CNTNAP2: variants seen among roughly 807,000 people sequenced by gnomAD.
CNTNAP2 encodes the protein contactin-associated protein-like 2.
A neutral mutation model predicts 155.2 loss-of-function variants in CNTNAP2; 98 were observed. The ratio of observed to expected loss-of-function variants is 0.63; its 90% CI spans 0.54 to 0.75. The LOEUF (loss-of-function observed/expected upper bound fraction) is 0.75, where lower values mean the gene tolerates loss of function less well. CNTNAP2 is among the 30% of genes least tolerant of loss of function. CNTNAP2 has a pLI of 0.00. For synonymous variants in CNTNAP2, 651 were observed against 631.2 expected, an observed-to-expected ratio of 1.03 and a Z score of -0.47; for missense variants, 1,727 against 1,688.1, an observed-to-expected ratio of 1.02 and a Z score of -0.40.
chr7:146,680,287 A>C (rs1800479418), intron 1 of CNTNAP2, among the ~76,000 whole-genome samples: 1 of 152,178 alleles, frequency 6.6e-6, no homozygotes, highest in Non-Finnish European at 1.5e-5. Flanking sequence ...AAATTTAAAA[A>C]ACAAAACAAA....
chr7:147,946,597 G>T (rs1037312383), intron 14 of CNTNAP2, among the ~76,000 whole-genome samples: 1 of 152,090 alleles, frequency 6.6e-6, no homozygotes, highest in Admixed American at 6.6e-5. Flanking sequence ...GTGGAATTGT[G>T]CTGTTGATCA....
intron 18 of CNTNAP2, among the ~76,000 whole-genome samples, chr7:148,184,260 A>C (rs944710891): frequency 2.6e-5 from 4 of 152,142 alleles, no homozygotes; most frequent in Non-Finnish European, 2.9e-5. Flanking sequence ...GTGAGACCCC[A>C]TCTCTATAAA....
intron 3 of CNTNAP2, among the ~76,000 whole-genome samples, chr7:146,892,327 A>G (rs1317660287): frequency 2.0e-5 from 3 of 152,094 alleles, no homozygotes; most frequent in East Asian, 1.9e-4. Flanking sequence ...AATGCAGCCA[A>G]TCTTTTAGGT....
At chr7:147,700,066 A>G (rs949011153) in intron 13 of CNTNAP2, among the ~76,000 whole-genome samples, 7 of 152,178 alleles carry the variant, frequency 4.6e-5, no homozygotes, top group African/African-American at 1.7e-4. Flanking sequence ...TGCTTTATTC[A>G]TAGCCTTTCT....
intron 3 of CNTNAP2, among the ~76,000 whole-genome samples, chr7:147,018,027 C>T (rs775331246): frequency 5.9e-5 from 9 of 152,078 alleles, no homozygotes; most frequent in Admixed American, 2.6e-4. Context: ...CATTTATCTG[C>T]GGAGAACCTC....
At chr7:146,836,435 A>G (rs1177351412) in intron 2 of CNTNAP2, among the ~76,000 whole-genome samples, 1 of 152,194 alleles carries the variant, frequency 6.6e-6, no homozygotes, top group Non-Finnish European at 1.5e-5. Context: ...CCAAAAATAC[A>G]TAGTATTTAA....
chr7:146,349,675 ATCTC>A (rs1242518279), intron 1 of CNTNAP2, among the ~76,000 whole-genome samples: 3 of 151,732 alleles, frequency 2.0e-5, no homozygotes, highest in African/African-American at 7.3e-5. Context: ...TGGTGACAAA[ATCTC>A]TCAGCATTTG....
intron 10 of CNTNAP2, among the ~76,000 whole-genome samples, chr7:147,414,667 T>C (rs1046068521): frequency 2.0e-5 from 3 of 150,874 alleles, no homozygotes; most frequent in Non-Finnish European, 4.4e-5. Flanking sequence ...TTCTCCCAGG[T>C]GCGGTGGCTC....
At chr7:146,653,032 T>C (rs1186799065) in intron 1 of CNTNAP2, among the ~76,000 whole-genome samples, 1 of 152,142 alleles carries the variant, frequency 6.6e-6, no homozygotes, top group African/African-American at 2.4e-5. Context: ...ACTTGCTTTA[T>C]TACAAGGCAT....
chr7:146,575,934 G>A (rs1798517626), intron 1 of CNTNAP2, among the ~76,000 whole-genome samples: 1 of 152,174 alleles, frequency 6.6e-6, no homozygotes, highest in Admixed American at 6.6e-5. Flanking sequence ...GAGTGAATAT[G>A]GGAGGAGGTG....
chr7:147,037,451 T>TC (rs1799173140), intron 3 of CNTNAP2, among the ~76,000 whole-genome samples: 2 of 149,326 alleles, frequency 1.3e-5, no homozygotes, highest in Non-Finnish European at 3.0e-5. Flanking sequence ...TGTTTTTTTT[T>TC]TCCCTTTTTT....
chr7:148,064,656 A>C (rs1234152563), intron 15 of CNTNAP2, among the ~76,000 whole-genome samples: 1 of 147,762 alleles, frequency 6.8e-6, no homozygotes, highest in African/African-American at 2.5e-5. Flanking sequence ...TCAAGAACTC[A>C]GCCTCTTTTA....
intron 1 of CNTNAP2, among the ~76,000 whole-genome samples, chr7:146,616,991 AGT>A (rs1260089107): frequency 6.6e-6 from 1 of 150,622 alleles, no homozygotes; most frequent in African/African-American, 2.5e-5. Context: ...TAATAGAAAA[AGT>A]GTGTATTCCA....
chr7:147,133,050 C>T (rs745345366), intron 8 of CNTNAP2, among the ~76,000 whole-genome samples: 12 of 152,018 alleles, frequency 7.9e-5, no homozygotes, highest in South Asian at 2.1e-4. Flanking sequence ...TATCAACTGA[C>T]GGAAGACTGG....
chr7:146,934,027 G>A (rs1213513598), intron 3 of CNTNAP2, among the ~76,000 whole-genome samples: 1 of 152,196 alleles, frequency 6.6e-6, no homozygotes, highest in East Asian at 1.9e-4. Flanking sequence ...GTGGAAGTCA[G>A]TGTGGCGTTT....
At chr7:148,232,692 C>T (rs1419442989) in intron 20 of CNTNAP2, among the ~76,000 whole-genome samples, 2 of 152,134 alleles carry the variant, frequency 1.3e-5, no homozygotes, top group Admixed American at 6.5e-5. Flanking sequence ...AATGGTAGAT[C>T]ACAGTGCTGT....
chr7:147,232,088 A>G lies in CNTNAP2; in HGVS notation c.1349-68053A>G, dbSNP rs190844084. On this transcript the variant is annotated intron_variant, in intron 8 of 23. Coordinates refer to ENST00000361727, the MANE Select transcript of CNTNAP2 (RefSeq NM_014141.6). ...TCCCATTTATAATAGATAGCATTAA[A>G]AGAACAAGAGACTTAGGAATACATT... 8.5e-5 allele frequency among the ~76,000 whole-genome samples: 13 copies of G among 152,360 alleles called. No homozygotes were observed. In the East Asian group the frequency reaches 1.7e-3, roughly 20 times the overall value.
intron 3 of CNTNAP2, among the ~76,000 whole-genome samples, chr7:147,014,404 T>G (rs1322418731): frequency 2.6e-5 from 4 of 152,162 alleles, no homozygotes; most frequent in African/African-American, 9.7e-5. Flanking sequence ...TCCACTGGTG[T>G]AATATCTTAC....
intron 1 of CNTNAP2, among the ~76,000 whole-genome samples, chr7:146,571,720 CTT>C (rs1798442368): frequency 7.4e-6 from 1 of 135,100 alleles, no homozygotes; most frequent in Non-Finnish European, 1.5e-5. Context: ...CATTTAAAAA[CTT>C]TTCTTTTCTT....
Sources: allele counts gnomAD v4.1 joint callset (sites outside exome capture counted in the v4.1 genomes callset), GRCh38; gene constraint gnomAD v4.1.1; transcripts MANE v1.5; gene names NCBI Gene and HGNC (gene_info 2026-07-23, HGNC 2026-07-21).